MACROD1: variants seen among roughly 807,000 people sequenced by gnomAD.
The protein encoded by MACROD1 is ADP-ribose glycohydrolase MACROD1.
In MACROD1, 31 loss-of-function variants were observed where a neutral mutation model predicts 41.4. The observed-to-expected ratio is 0.75, with a 90% CI of 0.56 to 1.01. MACROD1 has a LOEUF of 1.01. Among genes scored for constraint, MACROD1 ranks in the 50% least tolerant of loss-of-function variants. The probability of loss-of-function intolerance (pLI) is 0.00; values close to 1 mark genes in which losing one functional copy is unlikely to be tolerated. For synonymous variants in MACROD1, 252 were observed against 203.4 expected (o/e 1.24, Z -2.03); for missense variants, 473 against 460.0 (o/e 1.03, Z -0.26).
chr11:64,043,440 T>C (rs1371018836), intron 3 of MACROD1, among the ~76,000 whole-genome samples: 1 of 152,164 alleles, frequency 6.6e-6, no homozygotes, highest in Non-Finnish European at 1.5e-5. Context: ...CAGTGGACTC[T>C]AAACGCCTGG....
Position 64,143,587 on chromosome 11 carries a change from C to A in MACROD1, c.517+7652G>T, listed in dbSNP as rs566082700. Reference sequence around the variant, plus strand: ...GCCCAGATTCAGATGTTGGTCCCATCTTTTTTACAACGACCCCTCCCCGCT... The same window carrying A: ...GCCCAGATTCAGATGTTGGTCCCATATTTTTTACAACGACCCCTCCCCGCT... On this transcript the variant is annotated intron_variant, in intron 3 of 10. Coordinates refer to ENST00000255681, the MANE Select transcript of MACROD1 (RefSeq NM_014067.4). Among the ~76,000 whole-genome samples the A allele has an allele frequency of 2.0e-3, 304 of 152,138 alleles. 2 individuals are homozygous for A. Among genetic ancestry groups the A allele is most frequent in the African/African-American group, 6.9e-3 (286 of 41,494 alleles).
intron 3 of MACROD1, among the ~76,000 whole-genome samples, chr11:64,040,678 G>C (rs1317768366): frequency 6.6e-6 from 1 of 152,222 alleles, no homozygotes; most frequent in Admixed American, 6.5e-5. Context: ...TGACGGGGGC[G>C]GTAGCCCTGG....
chr11:64,133,458 G>A (rs985023860), intron 3 of MACROD1, among the ~76,000 whole-genome samples: 4 of 152,212 alleles, frequency 2.6e-5, no homozygotes, highest in Non-Finnish European at 2.9e-5. Context: ...GCAGGAGGCC[G>A]AGCCAGATGC....
rs201354922 is a variant in MACROD1 at position 64,116,552 on chromosome 11, C to T, written c.517+34687G>A. 3.5e-5 allele frequency: 56 copies of T among 1,614,076 alleles called. No individual in the cohort carries two copies. The highest frequency in any genetic ancestry group is 6.7e-5 in the African/African-American group (5 of 75,044). ...ACCTGCAGAACAACCAGATCAACAA[C>T]GCCGGCATCCCCCAGGACCTCAAGA... On this transcript the variant is annotated intron_variant, in intron 3 of 10. Transcript: ENST00000255681.
chr11:64,033,134 G>GTAAT (rs1361288836), intron 3 of MACROD1, among the ~76,000 whole-genome samples: 2 of 152,204 alleles, frequency 1.3e-5, no homozygotes, highest in Non-Finnish European at 2.9e-5. Flanking sequence ...GGGTCACGAG[G>GTAAT]TAATGCCTGC....
chr11:64,131,029 G>A (rs1945257978), intron 3 of MACROD1, among the ~76,000 whole-genome samples: 1 of 152,238 alleles, frequency 6.6e-6, no homozygotes. Context: ...ACCTGTTTCA[G>A]GTGTTAAGTA....
intron 1 of MACROD1, among the ~76,000 whole-genome samples, chr11:64,160,841 GCA>G (rs1232802103): frequency 2.0e-5 from 3 of 147,194 alleles, no homozygotes; most frequent in Non-Finnish European, 4.5e-5. Flanking sequence ...AAAATGTTCA[GCA>G]CAGTTTTATT....
chr11:64,116,116 C>T, intron 3 of MACROD1: 1 of 1,245,062 alleles, frequency 8.0e-7, no homozygotes, highest in Non-Finnish European at 1.1e-6. Flanking sequence ...GGACTTCGGT[C>T]ACCCCTTGGT....
chr11:64,093,413 C>T (rs1420835019), intron 3 of MACROD1, among the ~76,000 whole-genome samples: 1 of 152,226 alleles, frequency 6.6e-6, no homozygotes, highest in African/African-American at 2.4e-5. Flanking sequence ...CTGAGTGAGC[C>T]GGGAAGCCAG....
intron 3 of MACROD1, among the ~76,000 whole-genome samples, chr11:64,085,982 G>A (rs1005316959): frequency 6.6e-6 from 1 of 151,628 alleles, no homozygotes. Flanking sequence ...ATGGTTAGTG[G>A]GCTTGCAGCC....
chr11:64,104,202 A>G (rs1037327468), intron 3 of MACROD1: 1 of 152,326 alleles, frequency 6.6e-6, no homozygotes, highest in Non-Finnish European at 1.5e-5. Context: ...AGGACAAGGG[A>G]AGAGGGACGC....
At chr11:64,030,060 G>C (rs371144417) in intron 3 of MACROD1, among the ~76,000 whole-genome samples, 1 of 152,018 alleles carries the variant, frequency 6.6e-6, no homozygotes, top group African/African-American at 2.4e-5. Context: ...ACCACCCCCC[G>C]GGTGACACAG....
intron 3 of MACROD1, among the ~76,000 whole-genome samples, chr11:64,124,368 T>A (rs981265778): frequency 1.3e-5 from 2 of 152,188 alleles, no homozygotes; most frequent in African/African-American, 4.8e-5. Flanking sequence ...TATCTATCCA[T>A]CCATCCATCA....
At chr11:64,118,499 G>A (rs1023239539) in intron 3 of MACROD1, 21 of 503,032 alleles carry the variant, frequency 4.2e-5, no homozygotes, top group African/African-American at 2.9e-4. Flanking sequence ...AGGCAGGAGG[G>A]GGAATTCGAC....
At chr11:64,132,981 G>A (rs752011809) in intron 3 of MACROD1, among the ~76,000 whole-genome samples, 5 of 152,168 alleles carry the variant, frequency 3.3e-5, no homozygotes, top group East Asian at 3.9e-4. Context: ...CCACTGCCCC[G>A]AGTCCTGGCC....
intron 3 of MACROD1, among the ~76,000 whole-genome samples, chr11:64,070,339 C>G (rs1944084440): frequency 6.6e-6 from 1 of 152,160 alleles, no homozygotes; most frequent in Admixed American, 6.5e-5. Context: ...GGAGCTGTGA[C>G]TGAGAATTCC....
rs1944027221 is a variant in MACROD1 at position 64,067,531 on chromosome 11, C to T, written c.518-52250G>A. Among the ~76,000 whole-genome samples the T allele has an allele frequency of 6.6e-6, 1 of 151,932 alleles. No individual in the cohort carries two copies. The highest frequency in any genetic ancestry group is 2.4e-5 in the African/African-American group (1 of 41,390). ...GACGGCACCTCCCCAACTCCCCAGC[C>T]CCTCCCCCTGGGGCTCAGGGACCCA... On this transcript the variant is annotated intron_variant, in intron 3 of 10. Transcript: ENST00000255681. This position sits in a 1 kb window ranked among gnomAD's most constrained non-coding sequence, Gnocchi z 4.6.
chr11:64,161,149 C>A (rs1280019909), intron 1 of MACROD1, among the ~76,000 whole-genome samples: 1 of 151,926 alleles, frequency 6.6e-6, no homozygotes, highest in African/African-American at 2.4e-5. Flanking sequence ...CCAGCCTGGG[C>A]GACAGAGCAA....
intron 3 of MACROD1, among the ~76,000 whole-genome samples, chr11:64,058,979 A>G (rs1408072749): frequency 1.3e-5 from 2 of 152,106 alleles, no homozygotes; most frequent in African/African-American, 2.4e-5. Flanking sequence ...CTCTGCCCCT[A>G]CCTTCAAAAC....
Sources: gnomAD v4.1 joint callset for allele counts (sites outside exome capture counted in the v4.1 genomes callset) on GRCh38, gnomAD v4.1.1 for gene constraint, Gnocchi (gnomAD v3.1) non-coding constraint, MANE v1.5 for transcripts, NCBI Gene and HGNC (gene_info 2026-07-23, HGNC 2026-07-21) for gene names.